Variants in ANTXR1 observed in about 807,000 individuals in gnomAD.
The protein encoded by ANTXR1 is anthrax toxin receptor 1.
ANTXR1 carries 19 observed loss-of-function variants against 78.1 expected under a neutral mutation model. The observed-to-expected ratio is 0.24, with a 90% CI of 0.17 to 0.36. ANTXR1 has a LOEUF of 0.36. Ranked by LOEUF, ANTXR1 falls within the 10% of genes least tolerant of loss-of-function variation. The pLI is 1.00. For synonymous variants in ANTXR1, 273 were observed against 260.5 expected, an observed-to-expected ratio of 1.05 and a Z score of -0.46; for missense variants, 518 against 718.6, an observed-to-expected ratio of 0.72 and a Z score of 3.19.
At chr2:69,095,126 A>AT (rs1285883053) in intron 9 of ANTXR1, among the ~76,000 whole-genome samples, 1 of 152,202 alleles carries the variant, frequency 6.6e-6, no homozygotes, top group African/African-American at 2.4e-5. Flanking sequence ...CGAAGAGGTA[A>AT]TGGATCTGGA....
chr2:69,241,192 G>A (rs563925718), intron 17 of ANTXR1, among the ~76,000 whole-genome samples: 12 of 152,332 alleles, frequency 7.9e-5, no homozygotes, highest in African/African-American at 2.9e-4. Context: ...GTGTTATGAA[G>A]CGAGAGTTCC....
chr2:69,227,582 C>T (rs2104517414), intron 17 of ANTXR1, among the ~76,000 whole-genome samples: 1 of 152,322 alleles, frequency 6.6e-6, no homozygotes, highest in Non-Finnish European at 1.5e-5. Context: ...CAAGCTTCAA[C>T]TATCGAACTT....
chr2:69,124,702 T>TG, intron 12 of ANTXR1, 59 bp downstream of exon 12: 1 of 1,577,722 alleles, frequency 6.3e-7, no homozygotes, highest in Non-Finnish European at 8.7e-7. Flanking sequence ...TATCAACGTT[T>TG]CTTAAGCAGT....
chr2:69,183,663 C>T (rs1481777996), intron 16 of ANTXR1, among the ~76,000 whole-genome samples: 1 of 150,962 alleles, frequency 6.6e-6, no homozygotes, highest in Non-Finnish European at 1.5e-5. Context: ...AGTCTGCCCA[C>T]CTCGGCCTCC....
intron 13 of ANTXR1, among the ~76,000 whole-genome samples, chr2:69,162,645 A>G (rs1219821269): frequency 6.6e-6 from 1 of 152,148 alleles, no homozygotes; most frequent in Non-Finnish European, 1.5e-5. Flanking sequence ...GGATTTTATG[A>G]TACACATGGA....
intron 16 of ANTXR1, among the ~76,000 whole-genome samples, chr2:69,188,361 T>A (rs1206275404): frequency 6.6e-6 from 1 of 152,174 alleles, no homozygotes; most frequent in Non-Finnish European, 1.5e-5. Flanking sequence ...TCTCAGAGTG[T>A]TGGGATTATA....
At chr2:69,140,629 G>A (rs373942494) in intron 12 of ANTXR1, among the ~76,000 whole-genome samples, 22 of 152,104 alleles carry the variant, frequency 1.4e-4, no homozygotes, top group Non-Finnish European at 5.9e-5. Flanking sequence ...TTTTCTTTTG[G>A]GGGCCTATAA....
At chr2:69,032,360 T>C (rs940937239) in intron 1 of ANTXR1, among the ~76,000 whole-genome samples, 1 of 152,164 alleles carries the variant, frequency 6.6e-6, no homozygotes, top group African/African-American at 2.4e-5. Flanking sequence ...CTTTTGTTTG[T>C]CTTTCCCTCC....
intron 17 of ANTXR1, among the ~76,000 whole-genome samples, chr2:69,214,997 C>T (rs1675140675): frequency 6.6e-6 from 1 of 152,228 alleles, no homozygotes; most frequent in African/African-American, 2.4e-5. Context: ...TCCAAGATGA[C>T]TCTGCTCTGC....
rs76330821 is a variant in ANTXR1, at chr2:69,180,457, G to A, written c.1090-1329G>A. ...TCTCCCCACAACAAGAATAATTACAGTGCCAAGATGAAGAGCAGTTGCTAC... is the reference window on the plus strand; with the variant it reads ...TCTCCCCACAACAAGAATAATTACAATGCCAAGATGAAGAGCAGTTGCTAC... On this transcript the variant is annotated intron_variant, in intron 14 of 17. Transcript: ENST00000303714. 3.3e-3 allele frequency among the ~76,000 whole-genome samples: 509 copies of A among 152,278 alleles called. 4 individuals are homozygous for A. Among genetic ancestry groups the A allele is most frequent in the African/African-American group, 0.011 (477 of 41,532 alleles).
intron 17 of ANTXR1, among the ~76,000 whole-genome samples, chr2:69,213,015 C>T (rs1178154184): frequency 6.9e-6 from 1 of 144,980 alleles, no homozygotes; most frequent in Non-Finnish European, 1.5e-5. Context: ...CTATGGTGTC[C>T]AGTCTGGTCT....
intron 1 of ANTXR1, among the ~76,000 whole-genome samples, chr2:69,038,754 C>G (rs988662938): frequency 1.8e-4 from 27 of 152,130 alleles, no homozygotes; most frequent in Admixed American, 3.3e-4. Flanking sequence ...GTGAGACATC[C>G]TTATGACACA....
At chr2:69,148,612 T>C (rs1444593957) in intron 12 of ANTXR1, among the ~76,000 whole-genome samples, 1 of 152,206 alleles carries the variant, frequency 6.6e-6, no homozygotes, top group African/African-American at 2.4e-5. Context: ...TGAGTTAGCG[T>C]AAGGAAAGCA....
intron 12 of ANTXR1, among the ~76,000 whole-genome samples, chr2:69,127,897 G>T (rs562454491): frequency 1.3e-5 from 2 of 152,250 alleles, no homozygotes; most frequent in South Asian, 4.2e-4. Context: ...CAGGGAATCA[G>T]TTTTGCTGTG....
intron 16 of ANTXR1, among the ~76,000 whole-genome samples, chr2:69,185,264 G>T (rs1401165298): frequency 6.6e-6 from 1 of 152,212 alleles, no homozygotes; most frequent in African/African-American, 2.4e-5. Context: ...TCACCAGCTG[G>T]GCGCAGTGGC....
chr2:69,075,813 G>A lies in ANTXR1; in HGVS notation c.561+155G>A, dbSNP rs75650893. 8.0e-3 allele frequency among the ~76,000 whole-genome samples: 1,216 copies of A among 152,332 alleles called. 13 individuals carry two copies. The highest frequency in any genetic ancestry group is 0.028 in the African/African-American group (1,166 of 41,570). ...TAAACAGGAAGGAATTACTGGTTGT[G>A]TAAGGAATATGAAGTCATTTGCTGA... On this transcript the variant is annotated intron_variant, in intron 7 of 17. Transcript: ENST00000303714.
chr2:69,070,013 G>A (rs975104754), intron 3 of ANTXR1, among the ~76,000 whole-genome samples: 1 of 152,184 alleles, frequency 6.6e-6, no homozygotes, highest in African/African-American at 2.4e-5. Context: ...GGTCCACAAA[G>A]ATTCCATTTG....
chr2:69,019,746 C>T (rs558595044), intron 1 of ANTXR1, among the ~76,000 whole-genome samples: 21 of 152,244 alleles, frequency 1.4e-4, no homozygotes, highest in Non-Finnish European at 2.4e-4. Flanking sequence ...TTCCACCCTC[C>T]GACAGGCCCC....
chr2:69,070,794 TGATGA>T (rs1314339610), intron 4 of ANTXR1, 66 bp downstream of exon 4: 2 of 1,466,560 alleles, frequency 1.4e-6, no homozygotes, highest in Non-Finnish European at 9.5e-7. Context: ...ATGGGGTGAC[TGATGA>T]GATAAGGCAC....
Sources: allele counts gnomAD v4.1 joint callset (sites outside exome capture counted in the v4.1 genomes callset), GRCh38; gene constraint gnomAD v4.1.1; transcripts MANE v1.5; gene names NCBI Gene and HGNC (gene_info 2026-07-23, HGNC 2026-07-21).